Variants in OR2T11 observed in about 807,000 individuals in gnomAD.
OR2T11 encodes the protein olfactory receptor family 2 subfamily T member 11, also known as olfactory receptor 2T11.
In OR2T11, 14 loss-of-function variants were observed where a neutral mutation model predicts 13.5. The ratio of observed to expected loss-of-function variants is 1.04; its 90% CI spans 0.69 to 1.62. The LOEUF (loss-of-function observed/expected upper bound fraction) is 1.62. Ranked by LOEUF, OR2T11 falls within the 40% of genes most tolerant of loss-of-function variation. OR2T11 has a pLI of 0.00. For synonymous variants in OR2T11, 163 were observed against 154.6 expected, an observed-to-expected ratio of 1.05 and a Z score of -0.40; for missense variants, 410 against 389.7, an observed-to-expected ratio of 1.05 and a Z score of -0.44.
chr1:248,632,686 T>C (rs1470601645), intron 1 of OR2T11, among the ~76,000 whole-genome samples: 1 of 68,584 alleles, frequency 1.5e-5, no homozygotes, highest in South Asian at 6.9e-4. Context: ...AAACAACTCA[T>C]CCCTCCCTCT....
intron 1 of OR2T11, among the ~76,000 whole-genome samples, chr1:248,628,817 T>C (rs1660559034): frequency 7.0e-6 from 1 of 143,126 alleles, no homozygotes; most frequent in South Asian, 2.2e-4. Context: ...GGCTAAGGAC[T>C]GTGGCCTCCT....
intron 1 of OR2T11, among the ~76,000 whole-genome samples, chr1:248,633,061 G>A (rs1660634520): frequency 1.2e-5 from 1 of 81,634 alleles, no homozygotes; most frequent in Non-Finnish European, 2.4e-5. Flanking sequence ...TCAATGCCAG[G>A]AGTTTAAAAA....
Position 248,627,941 on chromosome 1 carries a change from C to G in OR2T11, c.-144-669G>C, listed in dbSNP as rs1177122448. Among the ~76,000 whole-genome samples the G allele has an allele frequency of 1.4e-5, 2 of 143,722 alleles. 1 individual carries two copies. Among genetic ancestry groups the G allele is most frequent in the Non-Finnish European group, 3.0e-5 (2 of 66,366 alleles). The allele number at this position is 143,722 out of a possible 152,430, so 94.3% of individuals were successfully genotyped here. On this transcript the variant is annotated intron_variant, in intron 1 of 1. Transcript: ENST00000641193. ...CAGATAAATTAGAAGGTAAAAAAAA[C>G]TATTTGCAAAAAGCTCCCAGAATTA... is the stretch of plus-strand genomic sequence containing the variant.
chr1:248,635,008 G>A (rs1660668380), intron 1 of OR2T11, 30 bp downstream of exon 1: 1 of 35,378 alleles, frequency 2.8e-5, no homozygotes, highest in Admixed American at 4.8e-4. Flanking sequence ...GTCTGTAGAA[G>A]CAAGTTAATT....
Position 248,626,533 on chromosome 1 carries a change from C to T in OR2T11, c.596G>A (p.Cys199Tyr), listed in dbSNP as rs536390664. The change falls in exon 2 of 2, where the codon TGC becomes TAC. Residue 199 changes from cysteine to tyrosine, a missense_variant. Transcript: ENST00000641193. ...GGGGATGAGCAACATGAGGACACAG[C>T]AGATGTACATCAGAGTTTCATACAA... is the stretch of plus-strand genomic sequence containing the variant. ...TSLYETLMYI[C>Y]CVLMLLIPIS... The T allele has an allele frequency of 3.3e-5, 52 of 1,567,042 alleles. 8 individuals are homozygous for T. In the East Asian group the frequency reaches 1.2e-3, roughly 35 times the overall value.
At position 248,624,160 on chromosome 1, in the gene OR2T11, G is replaced by A. The variant is rs1175204011; in HGVS notation, c.*2018C>T. On this transcript the variant is annotated 3_prime_UTR_variant, in exon 2 of 2. Transcript: ENST00000641193. ...GGCCACTCTCAAAGGCCATCTTTCTGAAACTTTCCTCCATTTCTCATATAT... is the reference window on the plus strand; with the variant it reads ...GGCCACTCTCAAAGGCCATCTTTCTAAAACTTTCCTCCATTTCTCATATAT... 7.0e-6 allele frequency: 1 copy of A among 142,798 alleles called. No individual in the cohort carries two copies. The highest frequency in any genetic ancestry group is 2.0e-4 in the East Asian group (1 of 4,948). The allele number at this position is 142,798 out of a possible 1,614,324, so 8.8% of individuals were successfully genotyped here.
rs528144482 is a variant in OR2T11 at position 248,628,159 on chromosome 1, G to A, written c.-144-887C>T. ...AGCACTTACCAGAACTGAGGCCAGAGCCAAACTCAGGCTTAGAAAGCTACG... is the reference window on the plus strand; with the variant it reads ...AGCACTTACCAGAACTGAGGCCAGAACCAAACTCAGGCTTAGAAAGCTACG... On this transcript the variant is annotated intron_variant, in intron 1 of 1. Transcript: ENST00000641193. Among the ~76,000 whole-genome samples, 9 of 143,470 alleles carry A rather than the reference G, an allele frequency of 6.3e-5. 3 individuals are homozygous for A. In the East Asian group the frequency reaches 1.8e-3, roughly 29 times the overall value. The allele number at this position is 143,470 out of a possible 152,430, so 94.1% of individuals were successfully genotyped here. A position where few individuals can be genotyped will look rare whatever the true frequency, so the allele number is the denominator to read the frequency against.
rs779200334 is a variant in OR2T11, at chr1:248,627,158, C to T, written c.-30G>A. The T allele has an allele frequency of 5.1e-5, 66 of 1,283,816 alleles. 5 individuals carry two copies. In the East Asian group the frequency reaches 7.8e-4, roughly 15 times the overall value. 79.5% of individuals were successfully genotyped at this position (1,283,816 alleles called of 1,614,324 possible). A position where few individuals can be genotyped will look rare whatever the true frequency, so the allele number is the denominator to read the frequency against. On this transcript the variant is annotated 5_prime_UTR_variant, in exon 2 of 2. Coordinates refer to ENST00000641193, the MANE Select transcript of OR2T11 (RefSeq NM_001001964.2). ...ATGGCCCACGAGCGTCCCAGGGCAACGGGAAGACACAAGGACCAGGAAGGA... is the reference window on the plus strand; with the variant it reads ...ATGGCCCACGAGCGTCCCAGGGCAATGGGAAGACACAAGGACCAGGAAGGA...
At position 248,623,707 on chromosome 1, in the gene OR2T11, G is replaced by T. The variant is rs1377550502; in HGVS notation, c.*2471C>A. On this transcript the variant is annotated 3_prime_UTR_variant, in exon 2 of 2. Transcript: ENST00000641193. ...TAAGTTTGTAGTAGTAACAGCAGTTGCTGCTGTTATTTTGTCCTTGTTTTT... is the reference window on the plus strand; with the variant it reads ...TAAGTTTGTAGTAGTAACAGCAGTTTCTGCTGTTATTTTGTCCTTGTTTTT... 7.0e-6 allele frequency: 1 copy of T among 142,916 alleles called. No individual in the cohort carries two copies. The highest frequency in any genetic ancestry group is 1.5e-5 in the Non-Finnish European group (1 of 66,222). 8.9% of individuals were successfully genotyped at this position (142,916 alleles called of 1,614,324 possible). A position where few individuals can be genotyped will look rare whatever the true frequency, so the allele number is the denominator to read the frequency against.
At chr1:248,629,988 C>T (rs1660581605) in intron 1 of OR2T11, among the ~76,000 whole-genome samples, 1 of 126,304 alleles carries the variant, frequency 7.9e-6, no homozygotes, top group South Asian at 2.7e-4. Flanking sequence ...AAGTAAGCTT[C>T]ATGTGAATAA....
chr1:248,626,012 C>T lies in OR2T11; in HGVS notation c.*166G>A. On this transcript the variant is annotated 3_prime_UTR_variant, in exon 2 of 2. Coordinates refer to ENST00000641193, the MANE Select transcript of OR2T11 (RefSeq NM_001001964.2). ...ACTTCACTGAAAGATCTCTGCATAA[C>T]AGTAAAACATCTTTCCCTTGCTCCC... 1 of 526,388 alleles carries T rather than the reference C, an allele frequency of 1.9e-6. No individual in the cohort carries two copies. The highest frequency in any genetic ancestry group is 3.4e-6 in the Non-Finnish European group (1 of 296,160). The allele number at this position is 526,388 out of a possible 1,614,324, so 32.6% of individuals were successfully genotyped here.
chr1:248,626,897 GT>G lies in OR2T11; in HGVS notation c.231del (p.Lys77AsnfsTer26). 1.3e-6 allele frequency: 2 copies of G among 1,570,314 alleles called. No individual in the cohort carries two copies. The highest frequency in any genetic ancestry group is 2.3e-5 in the South Asian group (2 of 88,848). ...DTLFICTTVP[K>X]LLADMVSKEK... ...TCTTTAGAAACCATGTCTGCCAGGA[GT>G]TTTGGGACAGTGGTACAGATGAAAA... On this transcript the variant is annotated frameshift_variant, in exon 2 of 2. Coordinates refer to ENST00000641193, the MANE Select transcript of OR2T11 (RefSeq NM_001001964.2). LOFTEE classifies it high-confidence loss of function.
In OR2T11 at chr1:248,626,408, G is replaced by C. The variant is rs750699370; in HGVS notation, c.721C>G (p.His241Asp). Residue 241 changes from histidine (H) to aspartate (D), a missense_variant, in exon 2 of 2, where the codon CAC becomes GAC. Coordinates refer to ENST00000641193, the MANE Select transcript of OR2T11 (RefSeq NM_001001964.2). ...TAGAAGATGCTAACTACAGTCAAGT[G>C]GGAGGAACAAGTGGTGAAGGCCTTT... is the stretch of plus-strand genomic sequence containing the variant. ...RKKAFTTCSS[H>D]LTVVSIFYGA... 6.4e-7 allele frequency: 1 copy of C among 1,571,926 alleles called. No individual in the cohort carries two copies. The highest frequency in any genetic ancestry group is 1.1e-5 in the South Asian group (1 of 88,892).
At chr1:248,628,061 A>C (rs1572101975) in intron 1 of OR2T11, among the ~76,000 whole-genome samples, 2 of 143,520 alleles carry the variant, frequency 1.4e-5, no homozygotes, top group South Asian at 4.4e-4. Flanking sequence ...AAATTAAAGG[A>C]AAATGTTGGT....
At position 248,623,925 on chromosome 1, in the gene OR2T11, CTCT is replaced by C. The variant is rs1660477667; in HGVS notation, c.*2250_*2252del. ...AACTTACCTCTTCTCCAAGATGATT[CTCT>C]TCTCCTCTCAAACTTTTGACGGGAC... On this transcript the variant is annotated 3_prime_UTR_variant, in exon 2 of 2. Coordinates refer to ENST00000641193, the MANE Select transcript of OR2T11 (RefSeq NM_001001964.2). 3 of 137,908 alleles carry C rather than the reference CTCT, an allele frequency of 2.2e-5. 1 individual carries two copies. Among genetic ancestry groups the C allele is most frequent in the Non-Finnish European group, 4.7e-5 (3 of 63,704 alleles). The allele number at this position is 137,908 out of a possible 1,614,324, so 8.5% of individuals were successfully genotyped here.
At chr1:248,628,327 C>CCAG (rs1281213253) in intron 1 of OR2T11, among the ~76,000 whole-genome samples, 2 of 141,550 alleles carry the variant, frequency 1.4e-5, no homozygotes, top group Non-Finnish European at 3.0e-5. Flanking sequence ...CCTCTCCCCG[C>CCAG]CAGCACCTCC....
chr1:248,630,167 T>C (rs28660373), intron 1 of OR2T11, among the ~76,000 whole-genome samples: 12,671 of 142,934 alleles, frequency 0.089, 2,190 homozygotes, highest in East Asian at 0.3. Flanking sequence ...CCTCCTGATT[T>C]TATATAATGT....
At position 248,627,279 on chromosome 1, in the gene OR2T11, A is replaced by G. The variant is rs1660540277; in HGVS notation, c.-144-7T>C. The G allele has an allele frequency of 5.2e-6, 3 of 574,728 alleles. No individual in the cohort carries two copies. The highest frequency in any genetic ancestry group is 9.1e-6 in the Non-Finnish European group (3 of 328,760). The allele number at this position is 574,728 out of a possible 1,614,324, so 35.6% of individuals were successfully genotyped here. On this transcript the variant is annotated splice_polypyrimidine_tract_variant and splice_region_variant and intron_variant, in intron 1 of 1. Coordinates refer to ENST00000641193, the MANE Select transcript of OR2T11 (RefSeq NM_001001964.2). ...GAAGCTTCCAGGCTAGAGGCTAGAG[A>G]AGAACAGGCAGACCAACATGCACAT...
At chr1:248,632,487 C>T (rs1200634398) in intron 1 of OR2T11, among the ~76,000 whole-genome samples, 2 of 137,072 alleles carry the variant, frequency 1.5e-5, no homozygotes, top group Non-Finnish European at 3.1e-5. Context: ...AACTAAGTTA[C>T]AGGAGAGTCT....
Sources: allele counts gnomAD v4.1 joint callset (sites outside exome capture counted in the v4.1 genomes callset), GRCh38; gene constraint gnomAD v4.1.1; transcripts MANE v1.5; gene names NCBI Gene and HGNC (gene_info 2026-07-23, HGNC 2026-07-21).